The following CEP164 variants were observed in gnomAD, a reference collection of about 807,000 sequenced individuals.
The protein encoded by CEP164 is centrosomal protein of 164 kDa.
CEP164 carries 162 observed loss-of-function variants against 182.7 expected under a neutral mutation model. That is an observed-to-expected ratio of 0.89 (90% CI 0.78 to 1.01). The LOEUF is 1.01. CEP164 is among the 50% of genes least tolerant of loss of function. The probability of loss-of-function intolerance (pLI) is 0.00; values close to 1 mark genes in which losing one functional copy is unlikely to be tolerated. For missense variants in CEP164, 1,735 were observed against 1,790.4 expected (o/e 0.97, Z 0.56); for synonymous variants, 661 against 690.0 (o/e 0.96, Z 0.66).
intron 12 of CEP164, 50 bp from the exon 13 acceptor site, chr11:117,381,651 G>T (rs750547238): frequency 6.4e-7 from 1 of 1,565,810 alleles, no homozygotes; most frequent in Admixed American, 1.8e-5. Flanking sequence ...TTCTCTTCCC[G>T]CTCTCCAAAT....
Position 117,410,812 on chromosome 11 carries a change from C to T in CEP164, c.4097-16C>T, listed in dbSNP as rs1426895867. On this transcript the variant is annotated splice_polypyrimidine_tract_variant and intron_variant, in intron 30 of 32. Transcript: ENST00000278935. ...ACCACTGCCCATTTCTGAGTCCTGTCCCCATGCTCTTCCAGCTGGCATCCC... is the reference window on the plus strand; with the variant it reads ...ACCACTGCCCATTTCTGAGTCCTGTTCCCATGCTCTTCCAGCTGGCATCCC... 6.2e-7 allele frequency: 1 copy of T among 1,610,854 alleles called. No homozygotes were observed. The highest frequency in any genetic ancestry group is 2.2e-5 in the East Asian group (1 of 44,764).
chr11:117,380,711 A>G lies in CEP164; in HGVS notation c.1409+6A>G, dbSNP rs762497915. ...TCCAAAGGCCTGGAGGAGAGGTACC[A>G]TAGGTGGGAGGCTATCCCCAGCGCT... On this transcript the variant is annotated splice_donor_region_variant and intron_variant, in intron 12 of 32. Coordinates refer to ENST00000278935, the MANE Select transcript of CEP164 (RefSeq NM_014956.5). 1.3e-5 allele frequency: 20 copies of G among 1,597,878 alleles called. No individual in the cohort carries two copies. In the East Asian group the frequency reaches 2.5e-4, roughly 20 times the overall value.
chr11:117,394,475 G>C lies in CEP164; in HGVS notation c.2742G>C (p.Arg914=). The C allele has an allele frequency of 6.2e-7, 1 of 1,614,008 alleles. No individual in the cohort carries two copies. The change falls in exon 21 of 33, where the codon CGG becomes CGC. Residue 914 remains arginine (R), a synonymous_variant. Coordinates refer to ENST00000278935, the MANE Select transcript of CEP164 (RefSeq NM_014956.5). This position sits in a 1 kb window ranked among gnomAD's most constrained non-coding sequence, Gnocchi z 4.0. ...AACACAAGCGTCTTGAGGACTTGCG[G>C]CGCCGGCACAGGGAGCAGGTGAGGG... is the stretch of plus-strand genomic sequence containing the variant. The part of the protein sequence containing the change: ...QEQHKRLEDL[R]RRHREQERKL...
intron 9 of CEP164, among the ~76,000 whole-genome samples, chr11:117,373,259 CGG>C (rs2135959741): frequency 6.6e-6 from 1 of 151,882 alleles, no homozygotes; most frequent in South Asian, 2.1e-4. Context: ...CCCAGCTACT[CGG>C]GAGGCTGAGG....
At position 117,397,118 on chromosome 11, in the gene CEP164, C is replaced by T. The variant is rs1202671874; in HGVS notation, c.3306C>T (p.Leu1102=). The part of the protein sequence containing the change: ...DSLSSHNVWH[L]LSAEGVALRS... ...TGTCCTCCCACAATGTCTGGCACCT[C>T]CTCTCTGCTGAGGGGGTAGCCCTCC... is the stretch of plus-strand genomic sequence containing the variant. Residue 1102 remains leucine (L), a synonymous_variant, in exon 27 of 33, where the codon CTC becomes CTT. Coordinates refer to ENST00000278935, the MANE Select transcript of CEP164 (RefSeq NM_014956.5). The T allele has an allele frequency of 1.2e-6, 2 of 1,614,164 alleles. No homozygotes were observed. The highest frequency in any genetic ancestry group is 3.3e-4 in the Middle Eastern group (2 of 6,062).
chr11:117,407,898 TCTC>T, intron 27 of CEP164, 24 bp from the exon 28 acceptor site: 1 of 1,547,272 alleles, frequency 6.5e-7, no homozygotes, highest in Non-Finnish European at 8.8e-7. Flanking sequence ...GGTAGTCATT[TCTC>T]CTCTGTTTTC....
intron 4 of CEP164, among the ~76,000 whole-genome samples, chr11:117,348,425 C>T (rs1322965501): frequency 6.6e-6 from 1 of 152,116 alleles, no homozygotes; most frequent in Admixed American, 6.6e-5. Flanking sequence ...CTGTTTATAT[C>T]TCTTGCCTTT....
chr11:117,409,091 T>C lies in CEP164; in HGVS notation c.3748+63T>C. ...CATGGAATGGGAGGAACTTGGGGAA[T>C]AGAAGAAGAGCTCTCTTCCCTCAGC... On this transcript the variant is annotated intron_variant, in intron 29 of 32. Coordinates refer to ENST00000278935, the MANE Select transcript of CEP164 (RefSeq NM_014956.5). This position sits in a 1 kb window ranked among gnomAD's most constrained non-coding sequence, Gnocchi z 4.4. 3 of 1,601,604 alleles carry C rather than the reference T, an allele frequency of 1.9e-6. No homozygotes were observed. The highest frequency in any genetic ancestry group is 1.7e-4 in the Middle Eastern group (1 of 5,752).
At chr11:117,348,029 G>A (rs1592070901) in intron 4 of CEP164, among the ~76,000 whole-genome samples, 2 of 152,144 alleles carry the variant, frequency 1.3e-5, no homozygotes, top group Middle Eastern at 6.8e-3. Flanking sequence ...GAGTACAGTG[G>A]TATGATCATG....
Position 117,410,826 on chromosome 11 carries a change from A to G in CEP164, c.4097-2A>G. On this transcript the variant is annotated splice_acceptor_variant, in intron 30 of 32. Coordinates refer to ENST00000278935, the MANE Select transcript of CEP164 (RefSeq NM_014956.5). LOFTEE classifies it high-confidence loss of function. ...CTGAGTCCTGTCCCCATGCTCTTCCAGCTGGCATCCCGCTGCTCAGCAACA... is the reference window on the plus strand; with the variant it reads ...CTGAGTCCTGTCCCCATGCTCTTCCGGCTGGCATCCCGCTGCTCAGCAACA... 1.2e-6 allele frequency: 2 copies of G among 1,612,086 alleles called. No individual in the cohort carries two copies. The highest frequency in any genetic ancestry group is 1.7e-6 in the Non-Finnish European group (2 of 1,178,876).
rs7110112 is a variant in CEP164 at position 117,366,639 on chromosome 11, G to C, written c.765+3133G>C. ...TAACAGGATGATGTCAGTGCGATTG[G>C]AAAGTGCTAACAACACTGGGGAGCT... On this transcript the variant is annotated intron_variant, in intron 8 of 32. Coordinates refer to ENST00000278935, the MANE Select transcript of CEP164 (RefSeq NM_014956.5). 5.2e-3 allele frequency among the ~76,000 whole-genome samples: 793 copies of C among 152,324 alleles called. 2 individuals are homozygous for C. Among genetic ancestry groups the C allele is most frequent in the Non-Finnish European group, 8.5e-3 (575 of 68,018 alleles).
In CEP164 at chr11:117,395,651, C is replaced by G. The variant is rs1308483214; in HGVS notation, c.3018C>G (p.Ala1006=). The change falls in exon 24 of 33, where the codon GCC becomes GCG. Residue 1006 remains alanine, a synonymous_variant. Transcript: ENST00000278935. ...QLREILDELQ[A]RKLKLESQVD... ...GAGAAATTCTTGATGAGCTGCAGGC[C>G]CGCAAGCTGAAGCTGGAGTCCCAAG... is the stretch of plus-strand genomic sequence containing the variant. 1 of 1,613,770 alleles carries G rather than the reference C, an allele frequency of 6.2e-7. No homozygotes were observed. The highest frequency in any genetic ancestry group is 8.5e-7 in the Non-Finnish European group (1 of 1,180,030).
intron 2 of CEP164, chr11:117,336,558 AT>A (rs2037153594): frequency 6.5e-7 from 1 of 1,535,070 alleles, no homozygotes; most frequent in Middle Eastern, 2.4e-4. Flanking sequence ...GGTGGGCAGG[AT>A]TGGAACCTCC....
intron 27 of CEP164, among the ~76,000 whole-genome samples, chr11:117,403,069 C>G (rs1288039412): frequency 6.6e-6 from 1 of 152,198 alleles, no homozygotes; most frequent in African/African-American, 2.4e-5. Flanking sequence ...TGTCTTTGCA[C>G]ACGAGGTGGG....
At chr11:117,338,769 T>G in intron 3 of CEP164, 101 bp downstream of exon 3, 1 of 914,344 alleles carries the variant, frequency 1.1e-6, no homozygotes, top group Non-Finnish European at 1.8e-6. Flanking sequence ...GTATGGTACA[T>G]GTACAGAGTT....
chr11:117,324,652 A>T (rs1231547258), upstream of CEP164, among the ~76,000 whole-genome samples: 1 of 152,160 alleles, frequency 6.6e-6, no homozygotes, highest in Non-Finnish European at 1.5e-5. Context: ...AGCTCTTCCC[A>T]TGAGAGAGCA....
chr11:117,392,672 A>G (rs2044821269), intron 19 of CEP164, 45 bp downstream of exon 19: 4 of 1,598,634 alleles, frequency 2.5e-6, no homozygotes, highest in Non-Finnish European at 1.7e-6. Context: ...CCTGTTGTGG[A>G]CTCTCTTACA....
upstream of CEP164, among the ~76,000 whole-genome samples, chr11:117,325,727 T>C (rs951827977): frequency 6.6e-6 from 1 of 152,104 alleles, no homozygotes; most frequent in Admixed American, 6.6e-5. Context: ...GACGATGATT[T>C]GTCATTTACA....
rs769208186 is a variant in CEP164 at position 117,361,784 on chromosome 11, C to T, written c.394-51C>T. 3 of 1,605,588 alleles carry T rather than the reference C, an allele frequency of 1.9e-6. No homozygotes were observed. In the South Asian group the frequency reaches 3.3e-5, roughly 18 times the overall value. On this transcript the variant is annotated intron_variant, in intron 5 of 32. Coordinates refer to ENST00000278935, the MANE Select transcript of CEP164 (RefSeq NM_014956.5). ...ATTTTTATATCTGTCTCCGACACTC[C>T]CAGAGCCACCTGGTTTCTTGAGTTG...
Sources: gnomAD v4.1 joint callset for allele counts (sites outside exome capture counted in the v4.1 genomes callset) on GRCh38, gnomAD v4.1.1 for gene constraint, Gnocchi (gnomAD v3.1) non-coding constraint, MANE v1.5 for transcripts, NCBI Gene and HGNC (gene_info 2026-07-23, HGNC 2026-07-21) for gene names.